Variants in XBP1 observed in about 807,000 individuals in gnomAD.
XBP1 encodes X-box binding protein 1, also known as X-box-binding protein 1.
In XBP1, 18 loss-of-function variants were observed where a neutral mutation model predicts 34.6. The observed-to-expected ratio is 0.52, with a 90% CI of 0.36 to 0.77. XBP1 has a LOEUF of 0.77. Among genes scored for constraint, XBP1 ranks in the 30% least tolerant of loss-of-function variants. XBP1 has a pLI of 0.00. For missense variants in XBP1, 422 were observed against 464.6 expected, an observed-to-expected ratio of 0.91 and a Z score of 0.84; for synonymous variants, 191 against 193.4, an observed-to-expected ratio of 0.99 and a Z score of 0.11.
intron 2 of XBP1, among the ~76,000 whole-genome samples, chr22:28,797,563 C>T (rs1350478944): frequency 6.6e-6 from 1 of 152,044 alleles, no homozygotes; most frequent in African/African-American, 2.4e-5. Context: ...GGTGGATCAC[C>T]TGAGGTCAAG....
intron 5 of XBP1, 34 bp downstream of exon 5, chr22:28,796,013 A>T (rs1601436776): frequency 6.2e-7 from 1 of 1,612,906 alleles, no homozygotes; most frequent in Non-Finnish European, 8.5e-7. Context: ...TTAACTGGTT[A>T]TATAGCTCTT....
chr22:28,796,335 C>A, intron 3 of XBP1, 143 bp from the exon 4 acceptor site: 1 of 697,090 alleles, frequency 1.4e-6, no homozygotes. Flanking sequence ...TATCTAACAA[C>A]ATTATTATTA....
rs779465848 is a variant in XBP1 at position 28,800,350 on chromosome 22, G to T, written c.175C>A (p.Arg59Ser). ...AGGTGCGTGAGGCGCTGTCGCTTGC[G>T]CGCCTGGGGCAGCCCCCCGCTCGCT... Residue 59 changes from arginine (R) to serine (S), a missense_variant, in exon 1 of 6, where the codon CGC becomes AGC. Around this residue, in one of 3 missense-constraint regions of XBP1, gnomAD observed 121 missense variants for 98.4 expected, o/e 1.23. Transcript: ENST00000344347. 3.2e-6 allele frequency: 5 copies of T among 1,547,864 alleles called. No individual in the cohort carries two copies. In the African/African-American group the frequency reaches 5.7e-5, roughly 18 times the overall value.
exon 4 of XBP1, chr22:28,796,154 G>C: frequency 6.2e-7 from 1 of 1,606,824 alleles, no homozygotes; most frequent in East Asian, 2.2e-5. Flanking sequence ...TGAGTGCTGC[G>C]GACTCAGCAG....
At chr22:28,800,367 C>T (rs778850008) in exon 1 of XBP1, 5 of 1,541,580 alleles carry the variant, frequency 3.2e-6, no homozygotes, top group African/African-American at 1.4e-5. Context: ...GGGCAGCCCC[C>T]CGCTCGCTGC....
downstream of XBP1, chr22:28,794,658 A>T (rs150321792): frequency 6.6e-6 from 1 of 152,464 alleles, no homozygotes; most frequent in East Asian, 1.9e-4. Flanking sequence ...AAGCATTTAC[A>T]TAGTAAATTT....
Position 28,795,480 on chromosome 22 carries a change from CT to C in XBP1, c.825del (p.Ala276LeufsTer4). 1 of 1,614,032 alleles carries C rather than the reference CT, an allele frequency of 6.2e-7. No individual in the cohort carries two copies. Among genetic ancestry groups the C allele is most frequent in the South Asian group, 1.1e-5 (1 of 91,072 alleles). On this transcript the variant is annotated frameshift_variant, in exon 6 of 6. Coordinates refer to ENST00000344347, the Ensembl canonical transcript of XBP1. LOFTEE classifies it high-confidence loss of function. ...TCCTCGATTTTCACTACCACATTAGCTTGGCTCTCTGTCTCAGAGGGTATCT... is the reference window on the plus strand; with the variant it reads ...TCCTCGATTTTCACTACCACATTAGCTGGCTCTCTGTCTCAGAGGGTATCT...
chr22:28,798,302 C>CTTTTTTTTTTTTTTTTTTTTTT (rs71316865), intron 2 of XBP1, among the ~76,000 whole-genome samples: 1 of 123,386 alleles, frequency 8.1e-6, no homozygotes, highest in Non-Finnish European at 1.6e-5. Flanking sequence ...CTTAGATTAA[C>CTTTTTTTTTTTTTTTTTTTTTT]TTTTTTTTTT....
At chr22:28,796,817 G>A in intron 3 of XBP1, 1 of 269,578 alleles carries the variant, frequency 3.7e-6, no homozygotes. Context: ...GTTGGCTACT[G>A]CATTTGTTAG....
chr22:28,796,112 G>A, exon 5 of XBP1: 1 of 1,613,982 alleles, frequency 6.2e-7, no homozygotes, highest in Non-Finnish European at 8.5e-7. Flanking sequence ...GTGACAACTG[G>A]GCCTGCACCT....
downstream of XBP1, chr22:28,794,782 G>A (rs1409482098): frequency 6.4e-6 from 1 of 157,374 alleles, no homozygotes. Context: ...TAAAACTGGA[G>A]GCAAGCCAGG....
At chr22:28,798,279 C>CT (rs2031787541) in intron 2 of XBP1, among the ~76,000 whole-genome samples, 2 of 149,452 alleles carry the variant, frequency 1.3e-5, no homozygotes, top group South Asian at 4.3e-4. Context: ...ACTTCACCAA[C>CT]TCTCTGTCCT....
intron 1 of XBP1, chr22:28,799,927 G>A: frequency 1.3e-6 from 1 of 776,008 alleles, no homozygotes; most frequent in Non-Finnish European, 2.4e-6. Context: ...CGCCTCTCCA[G>A]AAATAGCAGT....
intron 2 of XBP1, among the ~76,000 whole-genome samples, chr22:28,798,462 C>G (rs577988304): frequency 6.6e-6 from 1 of 151,518 alleles, no homozygotes. Flanking sequence ...GTGCCTGCCA[C>G]GACACCCGGC....
At chr22:28,798,302 C>CTTTTTTTTTTTTTTTTTTT (rs71316865) in intron 2 of XBP1, among the ~76,000 whole-genome samples, 15 of 123,376 alleles carry the variant, frequency 1.2e-4, no homozygotes, top group South Asian at 2.9e-4. Flanking sequence ...CTTAGATTAA[C>CTTTTTTTTTTTTTTTTTTT]TTTTTTTTTT....
chr22:28,800,028 T>A, intron 1 of XBP1: 1 of 778,984 alleles, frequency 1.3e-6, no homozygotes, highest in South Asian at 1.3e-5. Context: ...GGAAGACAGG[T>A]GCCCGCATCC....
At chr22:28,800,252 T>C (rs2031853087) in intron 1 of XBP1, 46 bp downstream of exon 1, 2 of 1,537,710 alleles carry the variant, frequency 1.3e-6, no homozygotes, top group East Asian at 2.5e-5. Context: ...CCCCTGTCCC[T>C]AGTCCCGGCT....
Position 28,795,571 on chromosome 22 carries a change from G to A in XBP1, c.735C>T (p.Ala245=), listed in dbSNP as rs868305561. ...TTAGTTCATTAATGGCTTCCAGCTT[G>A]GCTGATGACGTCCCCACTGACAGAG... The change falls in exon 6 of 6, where the codon GCC becomes GCT. Residue 245 remains alanine, a synonymous_variant. Coordinates refer to ENST00000344347, the Ensembl canonical transcript of XBP1. 1.5e-5 allele frequency: 24 copies of A among 1,614,174 alleles called. No homozygotes were observed. The Middle Eastern group carries it at 2.6e-3, about 178-fold the overall frequency.
Position 28,796,042 on chromosome 22 carries a change from C to G in XBP1, c.573+5G>C. ...AGCTCTTTAATAAGTCAGAATGATC[C>G]CTACCTCTGAATCTGAAGAGTCAAT... On this transcript the variant is annotated splice_donor_5th_base_variant and intron_variant, in intron 5 of 5. Transcript: ENST00000344347. 1 of 1,614,064 alleles carries G rather than the reference C, an allele frequency of 6.2e-7. No individual in the cohort carries two copies. The highest frequency in any genetic ancestry group is 8.5e-7 in the Non-Finnish European group (1 of 1,179,964).
Sources: gnomAD v4.1 joint callset for allele counts (sites outside exome capture counted in the v4.1 genomes callset) on GRCh38, gnomAD v4.1.1 for gene constraint, gnomAD v4.1.1 regional missense constraint, MANE v1.5 for transcripts, NCBI Gene and HGNC (gene_info 2026-07-23, HGNC 2026-07-21) for gene names.